Variants in THSD7B observed in about 807,000 individuals in gnomAD.
THSD7B encodes thrombospondin type-1 domain-containing protein 7B.
In THSD7B, 138 loss-of-function variants were observed where a neutral mutation model predicts 213.6. That is an observed-to-expected ratio of 0.65 (90% CI 0.56 to 0.74). The LOEUF is 0.74. THSD7B is among the 30% of genes least tolerant of loss of function. The pLI is 0.00. For synonymous variants in THSD7B, 742 were observed against 687.0 expected (o/e 1.08, Z -1.25); for missense variants, 1,931 against 1,991.5 (o/e 0.97, Z 0.58).
In THSD7B at chr2:137,060,643, T is replaced by C. The variant is rs189266946; in HGVS notation, c.950+3413T>C. Among the ~76,000 whole-genome samples, 260 of 152,154 alleles carry C rather than the reference T, an allele frequency of 1.7e-3. 1 individual carries two copies. The highest frequency in any genetic ancestry group is 5.4e-3 in the Admixed American group (82 of 15,270). Reference sequence around the variant, plus strand: ...TATCTTTTCTCTATTGAGTTACCTATGCTTTTTTGACAAAGATCAATTGAC... The same window carrying C: ...TATCTTTTCTCTATTGAGTTACCTACGCTTTTTTGACAAAGATCAATTGAC... On this transcript the variant is annotated intron_variant, in intron 3 of 27. Transcript: ENST00000409968.
intron 15 of THSD7B, among the ~76,000 whole-genome samples, chr2:137,478,929 C>G (rs982250699): frequency 6.6e-6 from 1 of 152,158 alleles, no homozygotes; most frequent in African/African-American, 2.4e-5. Context: ...TAGGCCAACC[C>G]TTGGACCCTA....
At chr2:136,984,563 A>G (rs1338887665) in intron 2 of THSD7B, among the ~76,000 whole-genome samples, 3 of 152,180 alleles carry the variant, frequency 2.0e-5, no homozygotes, top group Non-Finnish European at 4.4e-5. Flanking sequence ...CCATGCATGT[A>G]TAGCCTGTAG....
intron 2 of THSD7B, among the ~76,000 whole-genome samples, chr2:136,983,342 C>CAG (rs1290756035): frequency 7.8e-6 from 1 of 128,450 alleles, no homozygotes; most frequent in African/African-American, 3.2e-5. Context: ...AACACACACA[C>CAG]ACACACAGAC....
chr2:137,087,593 A>C (rs1313026168), intron 3 of THSD7B, among the ~76,000 whole-genome samples: 1 of 152,194 alleles, frequency 6.6e-6, no homozygotes, highest in Non-Finnish European at 1.5e-5. Context: ...AAACTAACCA[A>C]GGAAGTGAAA....
chr2:137,477,133 G>A (rs1476083520), intron 15 of THSD7B, among the ~76,000 whole-genome samples: 1 of 152,132 alleles, frequency 6.6e-6, no homozygotes, highest in African/African-American at 2.4e-5. Flanking sequence ...AGCTATTATT[G>A]TATTGCAGTC....
rs775614244 is a variant in THSD7B at position 137,657,078 on chromosome 2, T to C, written c.4293T>C (p.Tyr1431=). Residue 1431 remains tyrosine (Y), a synonymous_variant, in exon 24 of 28, where the codon TAT becomes TAC. Coordinates refer to ENST00000409968, the MANE Select transcript of THSD7B (RefSeq NM_001316349.2). ...ETRPCTGGKC[Y]HYTWKASLWN... ...ATTTACTTACAGGAGGCAAATGTTATCACTACACATGGAAAGCAAGTCTTT... is the reference window on the plus strand; with the variant it reads ...ATTTACTTACAGGAGGCAAATGTTACCACTACACATGGAAAGCAAGTCTTT... 2.5e-6 allele frequency: 4 copies of C among 1,614,010 alleles called. No homozygotes were observed. The South Asian group carries it at 4.4e-5, about 18-fold the overall frequency.
intron 2 of THSD7B, among the ~76,000 whole-genome samples, chr2:137,052,579 G>A (rs1379570547): frequency 2.0e-5 from 3 of 151,722 alleles, no homozygotes; most frequent in African/African-American, 7.3e-5. Context: ...AGGTTTTTTT[G>A]TATGTAATAA....
At chr2:136,790,585 G>A (rs1296276629) in intron 1 of THSD7B, among the ~76,000 whole-genome samples, 1 of 151,986 alleles carries the variant, frequency 6.6e-6, no homozygotes, top group Non-Finnish European at 1.5e-5. Flanking sequence ...TGTTGTCTGT[G>A]TTAAAATATT....
At chr2:137,171,052 C>T in intron 7 of THSD7B, 114 bp downstream of exon 7, 2 of 1,161,036 alleles carry the variant, frequency 1.7e-6, no homozygotes. Flanking sequence ...CCTTTCTTAT[C>T]CTTGAATATT....
At chr2:137,556,586 A>C (rs1281389082) in intron 15 of THSD7B, among the ~76,000 whole-genome samples, 1 of 152,206 alleles carries the variant, frequency 6.6e-6, no homozygotes, top group Non-Finnish European at 1.5e-5. Flanking sequence ...CACTGCAAAA[A>C]CATGCCAAAT....
Position 137,463,209 on chromosome 2 carries a change from G to A in THSD7B, c.3138+12186G>A, listed in dbSNP as rs530402393. On this transcript the variant is annotated intron_variant, in intron 15 of 27. Transcript: ENST00000409968. ...CTAGAGACAGCAAGGACCATGTAGC[G>A]TAAGCCAGGGGGCAACTACAACACA... Among the ~76,000 whole-genome samples the A allele has an allele frequency of 2.6e-5, 4 of 152,118 alleles. No homozygotes were observed. The East Asian group carries it at 7.7e-4, about 29-fold the overall frequency.
At chr2:137,035,009 C>T (rs184254950) in intron 2 of THSD7B, among the ~76,000 whole-genome samples, 100 of 152,204 alleles carry the variant, frequency 6.6e-4, no homozygotes, top group Non-Finnish European at 6.9e-4. Flanking sequence ...CCTGAGGAAC[C>T]GCCACACTGT....
chr2:137,473,055 A>G (rs919682671), intron 15 of THSD7B, among the ~76,000 whole-genome samples: 2 of 150,978 alleles, frequency 1.3e-5, no homozygotes, highest in Non-Finnish European at 2.9e-5. Context: ...TTCTTTTGAG[A>G]GCTTCAATTT....
At chr2:137,145,780 C>T (rs1230600890) in intron 5 of THSD7B, among the ~76,000 whole-genome samples, 1 of 152,006 alleles carries the variant, frequency 6.6e-6, no homozygotes, top group East Asian at 1.9e-4. Flanking sequence ...TTGAAAAATT[C>T]ATTTTACCTG....
chr2:137,283,016 A>G (rs1683068434), intron 12 of THSD7B, among the ~76,000 whole-genome samples: 1 of 151,878 alleles, frequency 6.6e-6, no homozygotes, highest in Admixed American at 6.6e-5. Flanking sequence ...TTTTCACGAT[A>G]ATTGATTCTT....
Position 137,411,681 on chromosome 2 carries a change from G to A in THSD7B, c.2768G>A (p.Cys923Tyr). 3 of 1,613,976 alleles carry A rather than the reference G, an allele frequency of 1.9e-6. No individual in the cohort carries two copies. The highest frequency in any genetic ancestry group is 2.5e-6 in the Non-Finnish European group (3 of 1,179,904). Reference sequence around the variant, plus strand: ...CTAGTGGAGACAGAACTATGTCCTTGTGATGAATTTATATCCCAACCTTAT... The same window carrying A: ...CTAGTGGAGACAGAACTATGTCCTTATGATGAATTTATATCCCAACCTTAT... ...YPLVETELCP[C>Y]DEFISQPYGN... is the part of the protein sequence containing the mutation. Residue 923 changes from cysteine (C) to tyrosine (Y), a missense_variant, in exon 14 of 28, where the codon TGT becomes TAT. Transcript: ENST00000409968.
rs1012050440 is a variant in THSD7B, at chr2:137,396,478, G to A, written c.2501-9135G>A. Among the ~76,000 whole-genome samples, 12 of 147,190 alleles carry A rather than the reference G, an allele frequency of 8.2e-5. No homozygotes were observed. The East Asian group carries it at 1.2e-3, about 14-fold the overall frequency. On this transcript the variant is annotated intron_variant, in intron 12 of 27. Coordinates refer to ENST00000409968, the MANE Select transcript of THSD7B (RefSeq NM_001316349.2). ...TTTCCATGTAGTTGAGCGGTTTTGA[G>A]TGAGATTCTTAATCCTGAGTTCTAG... is the stretch of plus-strand genomic sequence containing the variant.
At chr2:137,450,704 T>C in intron 14 of THSD7B, 141 bp from the exon 15 acceptor site, 1 of 566,544 alleles carries the variant, frequency 1.8e-6, no homozygotes, top group Non-Finnish European at 2.9e-6. Context: ...AAAATTTTGG[T>C]CTGTTTATCT....
chr2:136,873,880 A>C lies in THSD7B; in HGVS notation c.-35-8264A>C, dbSNP rs527363493. 2.0e-5 allele frequency among the ~76,000 whole-genome samples: 3 copies of C among 152,280 alleles called. No homozygotes were observed. In the East Asian group the frequency reaches 5.8e-4, roughly 29 times the overall value. On this transcript the variant is annotated intron_variant, in intron 1 of 27. Coordinates refer to ENST00000409968, the MANE Select transcript of THSD7B (RefSeq NM_001316349.2). ...AAGGTCGTGCACTGCCAGGGTTCACAAGGCATGATGTAAACAGAATGGGTT... is the reference window on the plus strand; with the variant it reads ...AAGGTCGTGCACTGCCAGGGTTCACCAGGCATGATGTAAACAGAATGGGTT...
Sources: gnomAD v4.1 joint callset for allele counts (sites outside exome capture counted in the v4.1 genomes callset) on GRCh38, gnomAD v4.1.1 for gene constraint, MANE v1.5 for transcripts, NCBI Gene and HGNC (gene_info 2026-07-23, HGNC 2026-07-21) for gene names.